The following ZNF827 variants were observed in gnomAD, a reference collection of about 807,000 sequenced individuals.
The protein encoded by ZNF827 is zinc finger protein 827.
ZNF827 carries 13 observed loss-of-function variants against 102.4 expected under a neutral mutation model. The observed-to-expected ratio is 0.13, with a 90% CI of 0.08 to 0.20. The LOEUF (loss-of-function observed/expected upper bound fraction) is 0.20, where lower values mean the gene tolerates loss of function less well. ZNF827 is among the 10% of genes least tolerant of loss of function. ZNF827 has a pLI of 1.00. For missense variants in ZNF827, 1,103 were observed against 1,344.4 expected (o/e 0.82, Z 2.81); for synonymous variants, 523 against 536.2 (o/e 0.98, Z 0.34).
intron 7 of ZNF827, among the ~76,000 whole-genome samples, chr4:145,837,573 C>T (rs924449696): frequency 2.5e-4 from 38 of 152,146 alleles, no homozygotes; most frequent in Admixed American, 4.6e-4. Context: ...TTTACACTGC[C>T]GGTTTACACT....
chr4:145,790,952 C>A (rs1297075009), intron 8 of ZNF827, among the ~76,000 whole-genome samples: 1 of 152,154 alleles, frequency 6.6e-6, no homozygotes, highest in African/African-American at 2.4e-5. Flanking sequence ...ATTTTTTCTC[C>A]TTCATCCAGA....
intron 1 of ZNF827, among the ~76,000 whole-genome samples, chr4:145,931,948 G>A (rs1753838149): frequency 6.6e-6 from 1 of 152,168 alleles, no homozygotes; most frequent in African/African-American, 2.4e-5. Flanking sequence ...TCCCCAATGT[G>A]ATAGTATTAG....
intron 7 of ZNF827, among the ~76,000 whole-genome samples, chr4:145,825,061 C>T (rs543233111): frequency 1.2e-4 from 18 of 152,282 alleles, no homozygotes; most frequent in African/African-American, 3.6e-4. Context: ...TGGGGAGAAG[C>T]GAAGGGGCAG....
chr4:145,851,258 A>T (rs1471916979), intron 5 of ZNF827, among the ~76,000 whole-genome samples: 2 of 150,956 alleles, frequency 1.3e-5, no homozygotes, highest in Non-Finnish European at 2.9e-5. Context: ...GCTACAGCAG[A>T]CCTAGGAAAC....
At chr4:145,850,292 G>A (rs566628790) in intron 5 of ZNF827, among the ~76,000 whole-genome samples, 4 of 152,292 alleles carry the variant, frequency 2.6e-5, no homozygotes, top group African/African-American at 7.2e-5. Flanking sequence ...TTACAGGCAT[G>A]AGCCACTGCG....
At chr4:145,796,704 A>C (rs1363565225) in intron 8 of ZNF827, among the ~76,000 whole-genome samples, 2 of 140,508 alleles carry the variant, frequency 1.4e-5, no homozygotes, top group African/African-American at 5.5e-5. Flanking sequence ...ATCTCAGCTC[A>C]CTGCAACCTC....
intron 9 of ZNF827, among the ~76,000 whole-genome samples, chr4:145,778,430 G>C (rs556744647): frequency 2.6e-4 from 39 of 152,212 alleles, no homozygotes; most frequent in Non-Finnish European, 4.7e-4. Flanking sequence ...CATCGCGCCC[G>C]ACAACAAAAA....
In ZNF827 at chr4:145,765,817, A is replaced by G; in HGVS notation, c.2861-79T>C. On this transcript the variant is annotated intron_variant, in intron 11 of 14. Transcript: ENST00000508784. This position sits in a 1 kb window ranked among gnomAD's most constrained non-coding sequence, Gnocchi z 4.7. ...TATAGCAACTGAGGGTGACGAGTTGAGTCTCATGGATGCATCATCATTCTG... is the reference window on the plus strand; with the variant it reads ...TATAGCAACTGAGGGTGACGAGTTGGGTCTCATGGATGCATCATCATTCTG... The G allele has an allele frequency of 1.4e-6, 2 of 1,431,250 alleles. No homozygotes were observed. The highest frequency in any genetic ancestry group is 1.9e-6 in the Non-Finnish European group (2 of 1,048,050). 88.7% of individuals were successfully genotyped at this position (1,431,250 alleles called of 1,614,324 possible). A position where few individuals can be genotyped will look rare whatever the true frequency, so the allele number is the denominator to read the frequency against.
At chr4:145,803,353 T>A (rs903857273) in intron 8 of ZNF827, among the ~76,000 whole-genome samples, 1 of 152,040 alleles carries the variant, frequency 6.6e-6, no homozygotes, top group Non-Finnish European at 1.5e-5. Flanking sequence ...TCTTTAGAGA[T>A]CTCTTTAATC....
intron 7 of ZNF827, among the ~76,000 whole-genome samples, chr4:145,825,923 C>T (rs188207148): frequency 1.2e-4 from 18 of 152,308 alleles, no homozygotes; most frequent in Admixed American, 1.1e-3. Flanking sequence ...GGGAGTCCTG[C>T]TGGATACTAA....
Position 145,885,633 on chromosome 4 carries a change from AGAGAG to A in ZNF827, c.1747+40_1747+44del. 14 of 1,503,246 alleles carry A rather than the reference AGAGAG, an allele frequency of 9.3e-6. 1 individual carries two copies. The South Asian group carries it at 1.8e-4, about 19-fold the overall frequency. The allele number at this position is 1,503,246 out of a possible 1,614,324, so 93.1% of individuals were successfully genotyped here. On this transcript the variant is annotated intron_variant, in intron 4 of 14. Coordinates refer to ENST00000508784, the MANE Select transcript of ZNF827 (RefSeq NM_001306215.2). ...GACAGAGAGAGAGAGAGAGAGAGAGAGAGAGAGAGAGAGAGAGAGAGAGAATACAA... is the reference window on the plus strand; with the variant it reads ...GACAGAGAGAGAGAGAGAGAGAGAGAAGAGAGAGAGAGAGAGAGAATACAA...
At chr4:145,798,359 A>G (rs1740574763) in intron 8 of ZNF827, among the ~76,000 whole-genome samples, 1 of 152,234 alleles carries the variant, frequency 6.6e-6, no homozygotes, top group East Asian at 1.9e-4. Context: ...ATGTATATGT[A>G]TGCTTGGAAA....
intron 11 of ZNF827, among the ~76,000 whole-genome samples, chr4:145,768,984 T>C: frequency 7.1e-6 from 1 of 141,306 alleles, no homozygotes; most frequent in Non-Finnish European, 1.5e-5. Context: ...ATTATTGGTG[T>C]CATGTTTGTT....
At chr4:145,912,049 T>G (rs769848427) in intron 1 of ZNF827, among the ~76,000 whole-genome samples, 2 of 152,206 alleles carry the variant, frequency 1.3e-5, no homozygotes, top group African/African-American at 4.8e-5. Context: ...CAAAGCCAAG[T>G]TGAAACCCAA....
At chr4:145,770,240 A>G (rs1372810738) in intron 11 of ZNF827, among the ~76,000 whole-genome samples, 1 of 152,108 alleles carries the variant, frequency 6.6e-6, no homozygotes, top group Non-Finnish European at 1.5e-5. Flanking sequence ...TGGAGGTTGC[A>G]GTGAGCCAAG....
chr4:145,784,153 C>T (rs1307299066), intron 8 of ZNF827, among the ~76,000 whole-genome samples: 2 of 152,192 alleles, frequency 1.3e-5, no homozygotes, highest in African/African-American at 4.8e-5. Context: ...ATCATGCTTC[C>T]TGTACAGCCT....
chr4:145,804,192 G>T (rs1579237485), intron 8 of ZNF827, among the ~76,000 whole-genome samples: 1 of 152,100 alleles, frequency 6.6e-6, no homozygotes, highest in Non-Finnish European at 1.5e-5. Context: ...ACTTGTAAAG[G>T]TTTCTCCTCT....
chr4:145,883,302 T>C (rs1749831716), intron 4 of ZNF827, among the ~76,000 whole-genome samples: 1 of 152,208 alleles, frequency 6.6e-6, no homozygotes, highest in Non-Finnish European at 1.5e-5. Context: ...ACATGGGCCT[T>C]TTGCATAAAT....
intron 9 of ZNF827, among the ~76,000 whole-genome samples, chr4:145,779,075 T>C (rs2126970992): frequency 6.6e-6 from 1 of 152,328 alleles, no homozygotes; most frequent in East Asian, 1.9e-4. Context: ...CCCCCTGTCC[T>C]TCACTTTCAA....
Sources: allele counts gnomAD v4.1 joint callset (sites outside exome capture counted in the v4.1 genomes callset), GRCh38; gene constraint gnomAD v4.1.1; non-coding constraint Gnocchi (gnomAD v3.1); transcripts MANE v1.5; gene names NCBI Gene and HGNC (gene_info 2026-07-23, HGNC 2026-07-21).